Variants in SLC16A12 observed in about 807,000 individuals in gnomAD.
SLC16A12 encodes the protein solute carrier family 16 member 12.
In SLC16A12, 17 loss-of-function variants were observed where a neutral mutation model predicts 42.4. The observed-to-expected ratio is 0.40, with a 90% CI of 0.27 to 0.60. SLC16A12 has a LOEUF of 0.60. Among genes scored for constraint, SLC16A12 ranks in the 20% least tolerant of loss-of-function variants. The pLI is 0.42. For synonymous variants in SLC16A12, 224 were observed against 229.4 expected (o/e 0.98, Z 0.21); for missense variants, 544 against 623.0 (o/e 0.87, Z 1.35).
At chr10:89,545,518 C>A (rs181594184) in intron 2 of SLC16A12, among the ~76,000 whole-genome samples, 12 of 152,186 alleles carry the variant, frequency 7.9e-5, no homozygotes, top group Non-Finnish European at 1.5e-4. Context: ...TGTGAAAGAC[C>A]TCTTCAAGGA....
At chr10:89,447,283 C>T (rs906582783) in intron 3 of SLC16A12, among the ~76,000 whole-genome samples, 13 of 152,184 alleles carry the variant, frequency 8.5e-5, no homozygotes, top group African/African-American at 2.9e-4. Context: ...GAACTCTCCA[C>T]CCCAAATCAA....
chr10:89,437,101 A>G (rs1841813268), intron 6 of SLC16A12, among the ~76,000 whole-genome samples: 1 of 152,214 alleles, frequency 6.6e-6, no homozygotes, highest in African/African-American at 2.4e-5. Flanking sequence ...TATGTTATCC[A>G]TTGGTATCTG....
In SLC16A12 at chr10:89,443,721, G is replaced by T. The variant is rs76187771; in HGVS notation, c.304+35C>A. On this transcript the variant is annotated intron_variant, in intron 4 of 7. Coordinates refer to ENST00000371790, the MANE Select transcript of SLC16A12 (RefSeq NM_213606.4). ...CATTGTCATATACAGTTCAAGAGTG[G>T]CCAGTAATTCCCTATCCTAGTAAGT... 2.0e-3 allele frequency: 2,840 copies of T among 1,404,650 alleles called. 47 individuals are homozygous for T. The African/African-American group carries it at 0.036, about 18-fold the overall frequency. 87.0% of individuals were successfully genotyped at this position (1,404,650 alleles called of 1,614,324 possible). A position where few individuals can be genotyped will look rare whatever the true frequency, so the allele number is the denominator to read the frequency against.
chr10:89,532,139 C>T (rs922019745), intron 2 of SLC16A12, among the ~76,000 whole-genome samples: 2 of 152,160 alleles, frequency 1.3e-5, no homozygotes, highest in African/African-American at 2.4e-5. Flanking sequence ...AATAAATATT[C>T]ATTAAATTAA....
chr10:89,527,012 G>T (rs1440029760), intron 2 of SLC16A12, among the ~76,000 whole-genome samples: 1 of 152,194 alleles, frequency 6.6e-6, no homozygotes, highest in Non-Finnish European at 1.5e-5. Context: ...CCAGGAATTT[G>T]CAAAATACAG....
intron 2 of SLC16A12, among the ~76,000 whole-genome samples, chr10:89,553,391 G>C (rs1843783114): frequency 6.6e-6 from 1 of 152,118 alleles, no homozygotes; most frequent in African/African-American, 2.4e-5. Flanking sequence ...TACACTCTTT[G>C]TTCATATAAA....
chr10:89,473,850 T>C (rs79396764), intron 2 of SLC16A12, among the ~76,000 whole-genome samples: 4,990 of 152,198 alleles, frequency 0.033, 261 homozygotes, highest in African/African-American at 0.11. Context: ...GGAAACTCAG[T>C]GTCCTCAGCC....
At chr10:89,439,972 G>A (rs979412584) in intron 5 of SLC16A12, among the ~76,000 whole-genome samples, 8 of 149,776 alleles carry the variant, frequency 5.3e-5, no homozygotes, top group Non-Finnish European at 1.0e-4. Context: ...CTACTCAGGA[G>A]GCTGAAGGGG....
chr10:89,518,143 A>C (rs1360713700), intron 2 of SLC16A12, among the ~76,000 whole-genome samples: 1 of 152,218 alleles, frequency 6.6e-6, no homozygotes, highest in Non-Finnish European at 1.5e-5. Context: ...GAGATAAACA[A>C]GAGGCAGTCC....
At chr10:89,516,959 A>G (rs982322767) in intron 2 of SLC16A12, among the ~76,000 whole-genome samples, 1 of 152,236 alleles carries the variant, frequency 6.6e-6, no homozygotes, top group Non-Finnish European at 1.5e-5. Context: ...ATGATGGCTC[A>G]TACCTGTAAT....
chr10:89,527,839 A>T (rs1341859967), intron 2 of SLC16A12, among the ~76,000 whole-genome samples: 1 of 151,704 alleles, frequency 6.6e-6, no homozygotes, highest in South Asian at 2.1e-4. Context: ...GAGAAAAGAA[A>T]AAAAGAGGTG....
At chr10:89,442,502 G>A (rs1230504117) in intron 4 of SLC16A12, among the ~76,000 whole-genome samples, 1 of 152,118 alleles carries the variant, frequency 6.6e-6, no homozygotes, top group Admixed American at 6.5e-5. Context: ...AGGGAAATTA[G>A]TCACTTTTAT....
At chr10:89,514,889 G>A (rs970458153) in intron 2 of SLC16A12, among the ~76,000 whole-genome samples, 37 of 152,190 alleles carry the variant, frequency 2.4e-4, no homozygotes, top group African/African-American at 8.4e-4. Context: ...TCAGGAGTTC[G>A]AGACCAGCCT....
At chr10:89,555,610 T>TATAC (rs1188643863) in intron 2 of SLC16A12, among the ~76,000 whole-genome samples, 1 of 145,034 alleles carries the variant, frequency 6.9e-6, no homozygotes, top group Admixed American at 7.0e-5. Context: ...TATATACATA[T>TATAC]ATATACAGAT....
At chr10:89,513,716 C>T (rs1843200154) in intron 2 of SLC16A12, among the ~76,000 whole-genome samples, 1 of 152,016 alleles carries the variant, frequency 6.6e-6, no homozygotes, top group Admixed American at 6.6e-5. Flanking sequence ...AATCAGAGAC[C>T]AGTAGAACAA....
chr10:89,514,356 T>A (rs1209253966), intron 2 of SLC16A12, among the ~76,000 whole-genome samples: 1 of 152,262 alleles, frequency 6.6e-6, no homozygotes. Flanking sequence ...GAGGACTGTG[T>A]ATGTCTTAGC....
chr10:89,497,133 A>T (rs1842931642), intron 2 of SLC16A12, among the ~76,000 whole-genome samples: 1 of 152,232 alleles, frequency 6.6e-6, no homozygotes, highest in South Asian at 2.1e-4. Context: ...CCAAGTCAAG[A>T]TGTTAATGAC....
At chr10:89,514,704 T>C (rs1029958243) in intron 2 of SLC16A12, among the ~76,000 whole-genome samples, 3 of 152,222 alleles carry the variant, frequency 2.0e-5, no homozygotes, top group Non-Finnish European at 2.9e-5. Flanking sequence ...TGACAATGTT[T>C]CCTCAATGTT....
At chr10:89,466,370 A>C (rs1389381694) in intron 2 of SLC16A12, among the ~76,000 whole-genome samples, 1 of 152,176 alleles carries the variant, frequency 6.6e-6, no homozygotes, top group Non-Finnish European at 1.5e-5. Flanking sequence ...CCCTGCTTTC[A>C]TGAGGCTCAC....
Sources: gnomAD v4.1 joint callset for allele counts (sites outside exome capture counted in the v4.1 genomes callset) on GRCh38, gnomAD v4.1.1 for gene constraint, MANE v1.5 for transcripts, NCBI Gene and HGNC (gene_info 2026-07-23, HGNC 2026-07-21) for gene names.